The following ANTXR2 variants were observed in gnomAD, a reference collection of about 807,000 sequenced individuals.
The protein encoded by ANTXR2 is ANTXR cell adhesion molecule 2.
In ANTXR2, 44 loss-of-function variants were observed where a neutral mutation model predicts 73.7. The observed-to-expected ratio is 0.60, with a 90% CI of 0.47 to 0.77. ANTXR2 has a LOEUF of 0.77. ANTXR2 is among the 30% of genes least tolerant of loss of function. The pLI is 0.00. For synonymous variants in ANTXR2, 217 were observed against 205.9 expected, an observed-to-expected ratio of 1.05 and a Z score of -0.46; for missense variants, 604 against 592.5, an observed-to-expected ratio of 1.02 and a Z score of -0.20.
chr4:79,985,424 G>C (rs1578131530), intron 12 of ANTXR2, among the ~76,000 whole-genome samples: 1 of 152,104 alleles, frequency 6.6e-6, no homozygotes, highest in Non-Finnish European at 1.5e-5. Context: ...TCTCAGGCTA[G>C]GTCAAAAGAA....
chr4:80,043,626 T>C (rs1370609918), intron 7 of ANTXR2, among the ~76,000 whole-genome samples: 1 of 152,016 alleles, frequency 6.6e-6, no homozygotes, highest in Non-Finnish European at 1.5e-5. Context: ...GCTAACTAAT[T>C]TCATGGAATT....
chr4:80,063,294 G>A (rs1029945768), intron 3 of ANTXR2, among the ~76,000 whole-genome samples: 1 of 151,980 alleles, frequency 6.6e-6, no homozygotes, highest in Non-Finnish European at 1.5e-5. Flanking sequence ...TCCACCCAAG[G>A]TCCAATTCTG....
At chr4:79,917,743 T>C (rs1199917921) in intron 16 of ANTXR2, among the ~76,000 whole-genome samples, 1 of 152,068 alleles carries the variant, frequency 6.6e-6, no homozygotes, top group East Asian at 1.9e-4. Context: ...GTATGTGCTT[T>C]TCTAAGGGTA....
intron 7 of ANTXR2, among the ~76,000 whole-genome samples, chr4:80,041,150 T>A (rs577508924): frequency 3.3e-5 from 5 of 152,202 alleles, no homozygotes; most frequent in Non-Finnish European, 5.9e-5. Context: ...AAACTGGGGC[T>A]TAGAAAGATT....
chr4:80,039,429 T>C (rs1256872741), intron 7 of ANTXR2, among the ~76,000 whole-genome samples: 1 of 152,038 alleles, frequency 6.6e-6, no homozygotes, highest in East Asian at 1.9e-4. Flanking sequence ...AATAGTCTAT[T>C]CTCACCAAGT....
At chr4:80,021,991 C>T (rs1219111301) in intron 10 of ANTXR2, among the ~76,000 whole-genome samples, 1 of 152,146 alleles carries the variant, frequency 6.6e-6, no homozygotes, top group African/African-American at 2.4e-5. Context: ...TCACAACAAC[C>T]TACTGAGGTC....
At chr4:79,929,180 T>C (rs910323866) in intron 16 of ANTXR2, among the ~76,000 whole-genome samples, 4 of 152,084 alleles carry the variant, frequency 2.6e-5, no homozygotes, top group Non-Finnish European at 4.4e-5. Flanking sequence ...GCTCACAGAC[T>C]TGGCCATAAA....
intron 7 of ANTXR2, among the ~76,000 whole-genome samples, chr4:80,039,244 A>G (rs1172984386): frequency 6.6e-6 from 1 of 152,158 alleles, no homozygotes; most frequent in Non-Finnish European, 1.5e-5. Flanking sequence ...AAGAGTAAGA[A>G]GAGAATTTAT....
intron 16 of ANTXR2, among the ~76,000 whole-genome samples, chr4:79,920,643 TA>T (rs1342634808): frequency 1.3e-5 from 2 of 152,078 alleles, no homozygotes; most frequent in African/African-American, 4.8e-5. Flanking sequence ...GGCAGACAGA[TA>T]ATGTGGCAGG....
intron 3 of ANTXR2, among the ~76,000 whole-genome samples, chr4:80,062,697 C>G (rs914291861): frequency 6.6e-6 from 1 of 152,160 alleles, no homozygotes; most frequent in African/African-American, 2.4e-5. Context: ...TAGGGAATGA[C>G]GATGTTTTTG....
intron 16 of ANTXR2, among the ~76,000 whole-genome samples, chr4:79,947,986 T>C (rs1728574910): frequency 6.6e-6 from 1 of 152,160 alleles, no homozygotes; most frequent in Non-Finnish European, 1.5e-5. Context: ...AAATTGCTAG[T>C]TGACTGTACT....
intron 11 of ANTXR2, among the ~76,000 whole-genome samples, chr4:80,009,818 G>C (rs1354005355): frequency 6.7e-6 from 1 of 149,106 alleles, no homozygotes; most frequent in Non-Finnish European, 1.5e-5. Context: ...CTGCATTCCA[G>C]CCTGGGAGAC....
At chr4:79,948,705 G>A (rs949455016) in intron 16 of ANTXR2, among the ~76,000 whole-genome samples, 2 of 151,984 alleles carry the variant, frequency 1.3e-5, no homozygotes, top group Admixed American at 1.3e-4. Flanking sequence ...GTAACTTAGC[G>A]AATTCCCTGC....
chr4:80,072,797 T>C lies in ANTXR2; in HGVS notation c.-237A>G. The C allele has an allele frequency of 1.8e-6, 2 of 1,104,450 alleles. No individual in the cohort carries two copies. The highest frequency in any genetic ancestry group is 2.3e-6 in the Non-Finnish European group (2 of 859,762). 68.4% of individuals were successfully genotyped at this position (1,104,450 alleles called of 1,614,324 possible). On this transcript the variant is annotated 5_prime_UTR_variant, in exon 1 of 17. Coordinates refer to ENST00000403729, the MANE Select transcript of ANTXR2 (RefSeq NM_058172.6). The stretch of plus-strand genomic sequence containing the variant: ...AGCTGCCGCCGGAACTCTTGACGAA[T>C]CCCAGTGGAAGCGCGATCCAGTCCT...
At chr4:79,929,893 C>T (rs1727992461) in intron 16 of ANTXR2, among the ~76,000 whole-genome samples, 1 of 152,076 alleles carries the variant, frequency 6.6e-6, no homozygotes. Context: ...TTTTTATACC[C>T]CAAGTGCTTC....
chr4:80,036,344 C>T (rs188692916), intron 7 of ANTXR2, among the ~76,000 whole-genome samples: 39 of 152,162 alleles, frequency 2.6e-4, no homozygotes, highest in African/African-American at 8.9e-4. Flanking sequence ...AAATTTCCTG[C>T]TGCCATAAAA....
rs1186493686 is a variant in ANTXR2 at position 79,901,417 on chromosome 4, GTTTC to G, written c.*6008_*6011del. ...TCATTTATTACTTTGGAAGCTTTTGGTTTCTTTGTTTGGCATCTAAATTGTTTAA... is the reference window on the plus strand; with the variant it reads ...TCATTTATTACTTTGGAAGCTTTTGGTTTGTTTGGCATCTAAATTGTTTAA... On this transcript the variant is annotated 3_prime_UTR_variant, in exon 17 of 17. Coordinates refer to ENST00000403729, the MANE Select transcript of ANTXR2 (RefSeq NM_058172.6). 6.6e-6 allele frequency: 1 copy of G among 151,748 alleles called. No individual in the cohort carries two copies. Among genetic ancestry groups the G allele is most frequent in the Non-Finnish European group, 1.5e-5 (1 of 67,954 alleles). 9.4% of individuals were successfully genotyped at this position (151,748 alleles called of 1,614,324 possible).
chr4:80,030,481 C>T (rs773852378), intron 10 of ANTXR2, among the ~76,000 whole-genome samples: 2 of 152,020 alleles, frequency 1.3e-5, no homozygotes, highest in Non-Finnish European at 2.9e-5. Context: ...CCTCAAATTC[C>T]AATGCCAATT....
intron 3 of ANTXR2, among the ~76,000 whole-genome samples, chr4:80,063,995 T>A (rs959852376): frequency 6.6e-6 from 1 of 152,170 alleles, no homozygotes. Flanking sequence ...CCAAGCTTCC[T>A]CTAAAATGAA....
Sources: gnomAD v4.1 joint callset for allele counts (sites outside exome capture counted in the v4.1 genomes callset) on GRCh38, gnomAD v4.1.1 for gene constraint, MANE v1.5 for transcripts, NCBI Gene and HGNC (gene_info 2026-07-23, HGNC 2026-07-21) for gene names.